CDC42SE2: variants seen among roughly 807,000 people sequenced by gnomAD.
The protein encoded by CDC42SE2 is CDC42 small effector 2.
CDC42SE2 carries 3 observed loss-of-function variants against 11.5 expected under a neutral mutation model. The observed-to-expected ratio is 0.26, with a 90% CI of 0.12 to 0.67. The LOEUF is 0.67. Ranked by LOEUF, CDC42SE2 falls within the 30% of genes least tolerant of loss-of-function variation. CDC42SE2 has a pLI of 0.80. For missense variants in CDC42SE2, 82 were observed against 106.8 expected (o/e 0.77, Z 1.02); for synonymous variants, 33 against 34.8 (o/e 0.95, Z 0.18).
intron 1 of CDC42SE2, among the ~76,000 whole-genome samples, chr5:131,300,495 A>C (rs1477717347): frequency 6.6e-6 from 1 of 152,142 alleles, no homozygotes; most frequent in Admixed American, 6.5e-5. Context: ...ATTAATAATT[A>C]TGTTGTAGGC....
chr5:131,286,807 T>G (rs1464958716), intron 1 of CDC42SE2, among the ~76,000 whole-genome samples: 1 of 151,994 alleles, frequency 6.6e-6, no homozygotes, highest in Non-Finnish European at 1.5e-5. Flanking sequence ...ATACAATATA[T>G]AATACATATA....
At chr5:131,295,568 G>A (rs972221659) in intron 1 of CDC42SE2, among the ~76,000 whole-genome samples, 2 of 152,060 alleles carry the variant, frequency 1.3e-5, no homozygotes, top group Non-Finnish European at 2.9e-5. Context: ...AGTATATATA[G>A]TATTTTTATA....
At chr5:131,353,470 T>C (rs798406) in intron 2 of CDC42SE2, among the ~76,000 whole-genome samples, 65,173 of 151,778 alleles carry the variant, frequency 0.43, 17,951 homozygotes, top group African/African-American at 0.78. Flanking sequence ...TTAGTAGGGA[T>C]GGGGTTCTGC....
intron 3 of CDC42SE2, among the ~76,000 whole-genome samples, chr5:131,381,857 A>G (rs17167458): frequency 0.034 from 5,242 of 152,312 alleles, 305 homozygotes; most frequent in African/African-American, 0.12. Flanking sequence ...GGAGGATCAC[A>G]CACTTCAGTC....
At chr5:131,315,747 G>A (rs1758028183) in intron 1 of CDC42SE2, among the ~76,000 whole-genome samples, 1 of 152,172 alleles carries the variant, frequency 6.6e-6, no homozygotes, top group Admixed American at 6.5e-5. Flanking sequence ...TGCCCGGTGG[G>A]TAGATATAAT....
chr5:131,322,904 A>T (rs1043170490), intron 2 of CDC42SE2, among the ~76,000 whole-genome samples: 1 of 152,214 alleles, frequency 6.6e-6, no homozygotes, highest in African/African-American at 2.4e-5. Context: ...GGTATCACCA[A>T]CAGTGCACAA....
intron 1 of CDC42SE2, among the ~76,000 whole-genome samples, chr5:131,299,315 T>A (rs1580739422): frequency 6.6e-6 from 1 of 152,028 alleles, no homozygotes; most frequent in African/African-American, 2.4e-5. Context: ...TTACCAGGGG[T>A]CAGTTAGCAG....
intron 1 of CDC42SE2, among the ~76,000 whole-genome samples, chr5:131,304,118 C>T (rs1757735999): frequency 6.6e-6 from 1 of 151,812 alleles, no homozygotes; most frequent in South Asian, 2.1e-4. Flanking sequence ...CACCACCATG[C>T]CAGGCTAATT....
intron 1 of CDC42SE2, among the ~76,000 whole-genome samples, chr5:131,249,342 GGA>G (rs1407981918): frequency 6.6e-6 from 1 of 152,094 alleles, no homozygotes; most frequent in South Asian, 2.1e-4. Context: ...GAAGTATCAG[GGA>G]GAGAGGATTT....
intron 2 of CDC42SE2, among the ~76,000 whole-genome samples, chr5:131,357,878 CTG>C (rs750147803): frequency 1.3e-5 from 2 of 152,228 alleles, no homozygotes; most frequent in Non-Finnish European, 2.9e-5. Context: ...CAGCGCCACA[CTG>C]TGTTTGCTGC....
intron 3 of CDC42SE2, among the ~76,000 whole-genome samples, chr5:131,384,816 T>A (rs1242133033): frequency 6.7e-6 from 1 of 148,648 alleles, no homozygotes; most frequent in Non-Finnish European, 1.5e-5. Flanking sequence ...GGCGTAGTGG[T>A]GCGTGCCTGT....
chr5:131,390,268 T>TATC (rs1185867078), intron 4 of CDC42SE2, among the ~76,000 whole-genome samples: 2 of 152,226 alleles, frequency 1.3e-5, no homozygotes, highest in African/African-American at 4.8e-5. Context: ...TTTTAAGATT[T>TATC]ATCTTTGGTT....
At position 131,345,089 on chromosome 5, in the gene CDC42SE2, C is replaced by T. The variant is rs142629357; in HGVS notation, c.-285-14120C>T. Among the ~76,000 whole-genome samples, 500 of 152,290 alleles carry T rather than the reference C, an allele frequency of 3.3e-3. 4 individuals carry two copies. The highest frequency in any genetic ancestry group is 6.4e-3 in the South Asian group (31 of 4,820). On this transcript the variant is annotated intron_variant, in intron 2 of 4. Transcript: ENST00000505065. ...CTGAAAATTCTAAAAATCAGAGCAC[C>T]TCTTCTCTTCCAAAGGAATGCAACT...
intron 2 of CDC42SE2, among the ~76,000 whole-genome samples, chr5:131,331,835 T>C (rs1758424970): frequency 6.6e-6 from 1 of 152,232 alleles, no homozygotes; most frequent in African/African-American, 2.4e-5. Flanking sequence ...CAAAGCTTTC[T>C]ATTATTACAG....
chr5:131,369,657 TG>T (rs1233458738), intron 3 of CDC42SE2, among the ~76,000 whole-genome samples: 1 of 152,218 alleles, frequency 6.6e-6, no homozygotes, highest in Non-Finnish European at 1.5e-5. Flanking sequence ...TGTATTGTTT[TG>T]CATTTTAATA....
rs1159302323 is a variant in CDC42SE2, at chr5:131,311,033, G to T, written c.-454-4943G>T. On this transcript the variant is annotated intron_variant, in intron 1 of 4. Coordinates refer to ENST00000505065, the MANE Select transcript of CDC42SE2 (RefSeq NM_001375635.1). ...CGTTAGTTGATGCAGTTTCTTCCTA[G>T]TCTGGATGGTCTTTACATTTTGGCA... Among the ~76,000 whole-genome samples the T allele has an allele frequency of 4.0e-5, 6 of 150,724 alleles. No individual in the cohort carries two copies. In the South Asian group the frequency reaches 8.5e-4, roughly 21 times the overall value.
At chr5:131,301,269 A>G (rs182755902) in intron 1 of CDC42SE2, among the ~76,000 whole-genome samples, 2 of 152,294 alleles carry the variant, frequency 1.3e-5, no homozygotes, top group South Asian at 2.1e-4. Context: ...CTAGTGTTCT[A>G]TGGCCCGGGA....
intron 1 of CDC42SE2, among the ~76,000 whole-genome samples, chr5:131,279,328 A>C (rs1757185041): frequency 6.6e-6 from 1 of 152,206 alleles, no homozygotes; most frequent in Non-Finnish European, 1.5e-5. Flanking sequence ...AAAGATCTTC[A>C]GATCCTCTGA....
chr5:131,342,914 T>C (rs558768879), intron 2 of CDC42SE2, among the ~76,000 whole-genome samples: 2 of 152,100 alleles, frequency 1.3e-5, no homozygotes, highest in Non-Finnish European at 2.9e-5. Flanking sequence ...GGTTTCATTG[T>C]GTTGGCCAGG....
Sources: gnomAD v4.1 joint callset for allele counts (sites outside exome capture counted in the v4.1 genomes callset) on GRCh38, gnomAD v4.1.1 for gene constraint, MANE v1.5 for transcripts, NCBI Gene and HGNC (gene_info 2026-07-23, HGNC 2026-07-21) for gene names.